PHRF1: variants seen among roughly 807,000 people sequenced by gnomAD.
PHRF1 encodes PHD and RING finger domain-containing protein 1.
In PHRF1, 53 loss-of-function variants were observed where a neutral mutation model predicts 128.9. The observed-to-expected ratio is 0.41, with a 90% CI of 0.33 to 0.52. The LOEUF (loss-of-function observed/expected upper bound fraction) is 0.52. Ranked by LOEUF, PHRF1 falls within the 20% of genes least tolerant of loss-of-function variation. PHRF1 has a pLI of 0.21. For missense variants in PHRF1, 2,503 were observed against 2,284.5 expected, an observed-to-expected ratio of 1.10 and a Z score of -1.95; for synonymous variants, 1,178 against 980.6, an observed-to-expected ratio of 1.20 and a Z score of -3.76.
chr11:608,614 G>A lies in PHRF1; in HGVS notation c.3158G>A (p.Arg1053Gln), dbSNP rs375158487. Residue 1053 changes from arginine (R) to glutamine (Q), a missense_variant, in exon 14 of 18, where the codon CGG becomes CAG. Physicochemically the swap from Arg to Gln is conservative, Grantham distance 43 (BLOSUM62 1). Coordinates refer to ENST00000264555, the MANE Select transcript of PHRF1 (RefSeq NM_001286581.2). ...RRQRSKAKSR[R>Q]SSSDRSSSRE... ...CAGCGGTCCAAGGCCAAGAGCCGGCGGTCCTCCAGTGACCGCTCCAGCAGC... is the reference window on the plus strand; with the variant it reads ...CAGCGGTCCAAGGCCAAGAGCCGGCAGTCCTCCAGTGACCGCTCCAGCAGC... 5.8e-5 allele frequency: 94 copies of A among 1,612,092 alleles called. 1 individual carries two copies. In the African/African-American group the frequency reaches 1.0e-3, roughly 17 times the overall value.
At chr11:584,448 G>C (rs1042696558) in intron 3 of PHRF1, among the ~76,000 whole-genome samples, 1 of 152,194 alleles carries the variant, frequency 6.6e-6, no homozygotes, top group Non-Finnish European at 1.5e-5. Context: ...GCAGCTGGGG[G>C]ACAGGGTCAT....
chr11:594,069 G>A (rs918928360), intron 6 of PHRF1, among the ~76,000 whole-genome samples: 32 of 152,240 alleles, frequency 2.1e-4, no homozygotes, highest in African/African-American at 7.7e-4. Context: ...ATTGGCTGTT[G>A]ATTACTGACT....
In PHRF1 at chr11:587,371, A is replaced by C; in HGVS notation, c.327A>C (p.Pro109=). The C allele has an allele frequency of 6.2e-7, 1 of 1,613,890 alleles. No individual in the cohort carries two copies. Among genetic ancestry groups the C allele is most frequent in the South Asian group, 1.1e-5 (1 of 91,080 alleles). The change falls in exon 4 of 18, where the codon CCA becomes CCC. Residue 109 remains proline, a synonymous_variant. Transcript: ENST00000264555. ...FNSDDDAESC[P]ICLNAFRDQA... ...CTGATGATGATGCAGAGAGCTGCCC[A>C]ATCTGTCTCAACGCATTCAGAGACC...
At chr11:589,130 G>A (rs1265935220) in intron 4 of PHRF1, among the ~76,000 whole-genome samples, 2 of 149,468 alleles carry the variant, frequency 1.3e-5, no homozygotes, top group Admixed American at 1.3e-4. Context: ...GCAAGACACT[G>A]TCTCAAAAAA....
chr11:610,040 C>T (rs1400026244), intron 14 of PHRF1, among the ~76,000 whole-genome samples, 156 bp from the exon 15 acceptor site: 5 of 152,220 alleles, frequency 3.3e-5, no homozygotes, highest in African/African-American at 7.2e-5. Context: ...TAGGAGCTGG[C>T]ACACCTCGCA....
intron 3 of PHRF1, among the ~76,000 whole-genome samples, chr11:583,030 T>C (rs1434647684): frequency 7.0e-6 from 1 of 143,624 alleles, no homozygotes; most frequent in Non-Finnish European, 1.5e-5. Context: ...CGAGACTCCA[T>C]CTCAAAGGAA....
rs777756223 is a variant in PHRF1 at position 610,753 on chromosome 11, AAGG to A, written c.4676_4677+1del. The A allele has an allele frequency of 3.7e-6, 6 of 1,601,106 alleles. No individual in the cohort carries two copies. The highest frequency in any genetic ancestry group is 5.1e-6 in the Non-Finnish European group (6 of 1,179,610). On this transcript the variant is annotated inframe_deletion, in exon 16 of 18. Transcript: ENST00000264555. ...CAGGCTAGCTGCGGAGAAAACCAAG[AAGG>A]AGGAGGTGAGTCCTGCCTCCTCCCA...
chr11:594,516 ACTGCAACCTCTGCAGCGAG>A (rs1286601641), intron 6 of PHRF1, among the ~76,000 whole-genome samples: 3 of 152,264 alleles, frequency 2.0e-5, no homozygotes, highest in African/African-American at 7.2e-5. Flanking sequence ...GCAGCGAGTC[ACTGCAACCTCTGCAGCGAG>A]TCACTGCAAC....
intron 3 of PHRF1, among the ~76,000 whole-genome samples, chr11:586,601 G>A (rs1304520049): frequency 2.0e-5 from 3 of 152,206 alleles, no homozygotes; most frequent in African/African-American, 7.2e-5. Context: ...TTTCATTGGA[G>A]TTTGGTACAA....
intron 2 of PHRF1, 66 bp from the exon 3 acceptor site, chr11:581,896 G>A (rs932466134): frequency 1.1e-5 from 17 of 1,490,746 alleles, no homozygotes; most frequent in African/African-American, 1.4e-5. Flanking sequence ...CCTGTGCAAA[G>A]CAACCTGCTC....
Position 598,374 on chromosome 11 carries a change from A to G in PHRF1, c.896A>G (p.His299Arg), listed in dbSNP as rs1398802446. 1.2e-6 allele frequency: 2 copies of G among 1,608,446 alleles called. No homozygotes were observed. The highest frequency in any genetic ancestry group is 1.7e-5 in the Admixed American group (1 of 59,966). ...ACGGCACCACCCCTTTGCCTGTAGC[A>G]CACACCAGGGCGCCTCGGGTCTTCC... The part of the protein sequence containing the change: ...NRISTARRVQ[H>R]TPGRLGSSLL... Residue 299 changes from histidine (H) to arginine (R), a missense_variant and splice_region_variant, in exon 9 of 18, where the codon CAC (histidine) becomes CGC (arginine). Transcript: ENST00000264555.
chr11:587,371 A>T lies in PHRF1; in HGVS notation c.327A>T (p.Pro109=), dbSNP rs773447269. The change falls in exon 4 of 18, where the codon CCA becomes CCT. Residue 109 remains proline (P), a synonymous_variant. Transcript: ENST00000264555. ...CTGATGATGATGCAGAGAGCTGCCC[A>T]ATCTGTCTCAACGCATTCAGAGACC... The part of the protein sequence containing the change: ...FNSDDDAESC[P]ICLNAFRDQA... 7 of 1,613,772 alleles carry T rather than the reference A, an allele frequency of 4.3e-6. No homozygotes were observed. The highest frequency in any genetic ancestry group is 5.9e-6 in the Non-Finnish European group (7 of 1,179,906).
Position 608,268 on chromosome 11 carries a change from C to T in PHRF1, c.2812C>T (p.Pro938Ser), listed in dbSNP as rs772325349. 2.5e-6 allele frequency: 4 copies of T among 1,610,006 alleles called. No individual in the cohort carries two copies. The highest frequency in any genetic ancestry group is 3.4e-6 in the Non-Finnish European group (4 of 1,179,520). The change falls in exon 14 of 18, where the codon CCA becomes TCA. Residue 938 changes from proline to serine, a missense_variant. Physicochemically the swap from Pro to Ser is moderately conservative, Grantham distance 74. Coordinates refer to ENST00000264555, the MANE Select transcript of PHRF1 (RefSeq NM_001286581.2). ...LAARLRRPSP[P>S]EPWDEEDGAS... Reference sequence around the variant, plus strand: ...TGCCCGGCTGCGGAGGCCATCCCCCCCAGAGCCCTGGGATGAGGAGGATGG... The same window carrying T: ...TGCCCGGCTGCGGAGGCCATCCCCCTCAGAGCCCTGGGATGAGGAGGATGG...
chr11:607,109 GGAA>G lies in PHRF1; in HGVS notation c.1658_1660del (p.Glu553del), dbSNP rs1564862623. The G allele has an allele frequency of 3.1e-6, 5 of 1,608,892 alleles. No individual in the cohort carries two copies. The South Asian group carries it at 3.3e-5, about 11-fold the overall frequency. ...GAAACTCAGGCAGTCTGTCCAGAGGGGAAGAAGGATTCAAGGGCTGCCTGCAGC... is the reference window on the plus strand; with the variant it reads ...GAAACTCAGGCAGTCTGTCCAGAGGGGAAGGATTCAAGGGCTGCCTGCAGC... On this transcript the variant is annotated inframe_deletion, in exon 14 of 18. Transcript: ENST00000264555.
At chr11:581,366 C>T (rs1854191213) in intron 1 of PHRF1, 126 bp from the exon 2 acceptor site, 1 of 735,542 alleles carries the variant, frequency 1.4e-6, no homozygotes, top group East Asian at 2.8e-5. Flanking sequence ...TCAGGGCTCA[C>T]TCTTCACGTG....
chr11:605,733 G>A lies in PHRF1; in HGVS notation c.1454+9G>A, dbSNP rs1589896032. 5.6e-6 allele frequency: 9 copies of A among 1,604,634 alleles called. No individual in the cohort carries two copies. The East Asian group carries it at 2.0e-4, about 36-fold the overall frequency. ...TCCGTGGGGCTTTCCAGGTGTGTGA[G>A]GGCAGAGGCTTCTGGGGAGGTGGGG... On this transcript the variant is annotated intron_variant, in intron 12 of 17. Transcript: ENST00000264555.
chr11:601,681 A>G lies in PHRF1; in HGVS notation c.1132A>G (p.Arg378Gly). 4 of 1,613,830 alleles carry G rather than the reference A, an allele frequency of 2.5e-6. No homozygotes were observed. The highest frequency in any genetic ancestry group is 3.4e-6 in the Non-Finnish European group (4 of 1,179,868). Reference protein sequence around the residue: ...SKKRQHRVKKRRGKKVKSEAT... With the variant: ...SKKRQHRVKKGRGKKVKSEAT... ...GAAACGCCAACATCGAGTGAAGAAG[A>G]GAAGAGGGAAGAAGGTAAAGGTGAG... The change falls in exon 10 of 18, where the codon AGA becomes GGA. Residue 378 changes from arginine to glycine, a missense_variant. Transcript: ENST00000264555.
rs549577408 is a variant in PHRF1 at position 584,453 on chromosome 11, G to A, written c.214+2372G>A. On this transcript the variant is annotated intron_variant, in intron 3 of 17. Coordinates refer to ENST00000264555, the MANE Select transcript of PHRF1 (RefSeq NM_001286581.2). ...GCGCCAAGCAGCAGCTGGGGGACAG[G>A]GTCATAGACACTGAGAGCTGTGGGC... is the stretch of plus-strand genomic sequence containing the variant. Among the ~76,000 whole-genome samples, 3 of 152,308 alleles carry A rather than the reference G, an allele frequency of 2.0e-5. No individual in the cohort carries two copies. The South Asian group carries it at 6.2e-4, about 32-fold the overall frequency.
At chr11:604,452 T>C (rs1297522714) in intron 10 of PHRF1, among the ~76,000 whole-genome samples, 1 of 152,264 alleles carries the variant, frequency 6.6e-6, no homozygotes, top group African/African-American at 2.4e-5. Context: ...TTTAGGAATT[T>C]AGGAATAATG....
Sources: allele counts gnomAD v4.1 joint callset (sites outside exome capture counted in the v4.1 genomes callset), GRCh38; gene constraint gnomAD v4.1.1; transcripts MANE v1.5; gene names NCBI Gene and HGNC (gene_info 2026-07-23, HGNC 2026-07-21).